The following SH3BGRL2 variants were observed in gnomAD, a reference collection of about 807,000 sequenced individuals.
The protein encoded by SH3BGRL2 is SH3 domain binding glutamate rich protein like 2.
In SH3BGRL2, 21 loss-of-function variants were observed where a neutral mutation model predicts 14.8. The ratio of observed to expected loss-of-function variants is 1.42; its 90% CI spans 1.01 to 2.05. The LOEUF is 2.05. SH3BGRL2 is among the 30% of genes most tolerant of loss of function. SH3BGRL2 has a pLI of 0.00. For missense variants in SH3BGRL2, 147 were observed against 130.8 expected (o/e 1.12, Z -0.61); for synonymous variants, 50 against 47.8 (o/e 1.05, Z -0.19).
At chr6:79,538,855 C>T in the SH3BGRL2 span, among the ~76,000 whole-genome samples, 1 of 152,152 alleles carries the variant, frequency 6.6e-6, no homozygotes, top group Non-Finnish European at 1.5e-5. Context: ...TATTGTTATT[C>T]ATTGTTTATA....
the SH3BGRL2 span, among the ~76,000 whole-genome samples, chr6:79,564,404 A>AG: frequency 0.31 from 17,237 of 54,986 alleles, 1,095 homozygotes; most frequent in Non-Finnish European, 0.33. Context: ...ATTCAATAGC[A>AG]GTTTGTGCTT....
chr6:79,588,121 A>G, the SH3BGRL2 span, among the ~76,000 whole-genome samples: 1 of 152,024 alleles, frequency 6.6e-6, no homozygotes, highest in East Asian at 1.9e-4. Flanking sequence ...GTGAAACCCC[A>G]TCTCTACTAA....
the SH3BGRL2 span, among the ~76,000 whole-genome samples, chr6:79,620,812 G>T: frequency 1.3e-5 from 2 of 152,188 alleles, no homozygotes; most frequent in African/African-American, 4.8e-5. Context: ...AGAATTATCT[G>T]CTGAGAGTTG....
At chr6:79,656,188 G>T (rs1769414547) in intron 1 of SH3BGRL2, among the ~76,000 whole-genome samples, 1 of 152,208 alleles carries the variant, frequency 6.6e-6, no homozygotes, top group African/African-American at 2.4e-5. Context: ...TGAGGGTTTG[G>T]CATGGGCCAG....
chr6:79,675,685 A>C (rs2812707), intron 2 of SH3BGRL2, among the ~76,000 whole-genome samples: 15,821 of 152,046 alleles, frequency 0.1, 1,325 homozygotes, highest in East Asian at 0.45. Flanking sequence ...AAAGAACAAA[A>C]TCCTTTCATT....
chr6:79,646,918 A>G (rs538416240), intron 1 of SH3BGRL2, among the ~76,000 whole-genome samples: 1 of 152,268 alleles, frequency 6.6e-6, no homozygotes, highest in African/African-American at 2.4e-5. Context: ...AATGTACCAG[A>G]GTTTGTTTAT....
At chr6:79,615,609 A>G in the SH3BGRL2 span, among the ~76,000 whole-genome samples, 1 of 152,174 alleles carries the variant, frequency 6.6e-6, no homozygotes, top group Non-Finnish European at 1.5e-5. Context: ...CATCACACCT[A>G]TAAGATGCCT....
chr6:79,691,987 T>G (rs1435958066), intron 2 of SH3BGRL2, among the ~76,000 whole-genome samples: 1 of 152,120 alleles, frequency 6.6e-6, no homozygotes, highest in Admixed American at 6.5e-5. Context: ...GTAAAAGTGT[T>G]CCTATTTCTC....
the SH3BGRL2 span, among the ~76,000 whole-genome samples, chr6:79,546,230 TAAC>T: frequency 7.5e-4 from 114 of 152,204 alleles, no homozygotes; most frequent in Non-Finnish European, 8.1e-4. Context: ...TTGGATGAAT[TAAC>T]AACTTTTTTT....
the SH3BGRL2 span, among the ~76,000 whole-genome samples, chr6:79,616,300 C>T: frequency 6.6e-6 from 1 of 152,186 alleles, no homozygotes; most frequent in Admixed American, 6.5e-5. Context: ...AAACAGGAAC[C>T]CATTTGCATT....
chr6:79,612,676 A>C, the SH3BGRL2 span, among the ~76,000 whole-genome samples: 2 of 152,154 alleles, frequency 1.3e-5, no homozygotes, highest in Non-Finnish European at 2.9e-5. Flanking sequence ...CTTCCTCTCT[A>C]ATTAAGTTCT....
chr6:79,699,291 T>C (rs535091877), intron 3 of SH3BGRL2, among the ~76,000 whole-genome samples: 1 of 152,088 alleles, frequency 6.6e-6, no homozygotes, highest in Non-Finnish European at 1.5e-5. Context: ...ACTTTTATAT[T>C]TGGCAGGTCG....
intron 1 of SH3BGRL2, among the ~76,000 whole-genome samples, chr6:79,659,456 G>A (rs1245576235): frequency 1.3e-5 from 2 of 152,084 alleles, no homozygotes; most frequent in African/African-American, 2.4e-5. Context: ...GTAGATGTGT[G>A]GTGTTATTTC....
At chr6:79,602,831 CAG>C in the SH3BGRL2 span, among the ~76,000 whole-genome samples, 1 of 152,150 alleles carries the variant, frequency 6.6e-6, no homozygotes, top group Admixed American at 6.5e-5. Context: ...ATAGTTTATT[CAG>C]AGTCATATTT....
chr6:79,573,806 T>C, the SH3BGRL2 span: 4 of 152,244 alleles, frequency 2.6e-5, no homozygotes. Flanking sequence ...ACATTTAAAC[T>C]TGCTGAATGT....
intron 2 of SH3BGRL2, among the ~76,000 whole-genome samples, chr6:79,694,834 G>A (rs1210606150): frequency 2.6e-5 from 4 of 151,942 alleles, no homozygotes; most frequent in Admixed American, 2.0e-4. Context: ...CCGTCAGCTC[G>A]GCTGCCACCA....
In SH3BGRL2 at chr6:79,653,772, C is replaced by T. The variant is rs1440275772; in HGVS notation, c.46-19842C>T. 2.6e-5 allele frequency among the ~76,000 whole-genome samples: 4 copies of T among 152,230 alleles called. No homozygotes were observed. In the East Asian group the frequency reaches 7.7e-4, roughly 29 times the overall value. On this transcript the variant is annotated intron_variant, in intron 1 of 3. Coordinates refer to ENST00000369838, the MANE Select transcript of SH3BGRL2 (RefSeq NM_031469.4). ...ATGAAACCGACAAAGATTTGGAAAG[C>T]ACCCCAGAGATGGCAGCAGCAGGTT... is the stretch of plus-strand genomic sequence containing the variant.
chr6:79,626,167 T>G, the SH3BGRL2 span, among the ~76,000 whole-genome samples: 1 of 152,128 alleles, frequency 6.6e-6, no homozygotes, highest in Non-Finnish European at 1.5e-5. Context: ...CCTGTAATCC[T>G]AGCACTTTGG....
At chr6:79,616,127 T>C in the SH3BGRL2 span, among the ~76,000 whole-genome samples, 1 of 152,102 alleles carries the variant, frequency 6.6e-6, no homozygotes, top group Non-Finnish European at 1.5e-5. Flanking sequence ...AAACCACTCC[T>C]GCTTTCTTAA....
Sources: allele counts gnomAD v4.1 joint callset (sites outside exome capture counted in the v4.1 genomes callset), GRCh38; gene constraint gnomAD v4.1.1; transcripts MANE v1.5; gene names NCBI Gene and HGNC (gene_info 2026-07-23, HGNC 2026-07-21).